DMRT1: variants seen among roughly 807,000 people sequenced by gnomAD.
DMRT1 encodes doublesex and mab-3 related transcription factor 1.
Under a neutral mutation model 32.3 loss-of-function variants are expected in DMRT1, and 7 were observed. The ratio of observed to expected loss-of-function variants is 0.22; its 90% confidence interval spans 0.12 to 0.41. The LOEUF is 0.41. DMRT1 is among the 10% of genes least tolerant of loss of function. DMRT1 has a pLI of 1.00. For missense variants in DMRT1, 625 were observed against 500.5 expected, an observed-to-expected ratio of 1.25 and a Z score of -2.37; for synonymous variants, 278 against 206.1, an observed-to-expected ratio of 1.35 and a Z score of -2.99.
intron 2 of DMRT1, among the ~76,000 whole-genome samples, chr9:877,996 G>A (rs1816573673): frequency 6.6e-6 from 1 of 152,326 alleles, no homozygotes; most frequent in South Asian, 2.1e-4. Context: ...GTTAGGTGGA[G>A]CAGGTTGCTA....
chr9:843,500 A>C (rs1417466799), intron 1 of DMRT1, among the ~76,000 whole-genome samples: 1 of 152,214 alleles, frequency 6.6e-6, no homozygotes, highest in East Asian at 1.9e-4. Context: ...GCGCAGGTGG[A>C]AAAAAGCGCG....
intron 2 of DMRT1, among the ~76,000 whole-genome samples, chr9:857,415 G>A (rs1815444684): frequency 6.6e-6 from 1 of 152,166 alleles, no homozygotes; most frequent in Non-Finnish European, 1.5e-5. Flanking sequence ...GAAAGGAACA[G>A]TATTTGTGGA....
intron 2 of DMRT1, among the ~76,000 whole-genome samples, chr9:861,900 G>T (rs540000099): frequency 1.3e-5 from 2 of 150,224 alleles, no homozygotes; most frequent in South Asian, 4.3e-4. Context: ...TCACATCCCA[G>T]ATGGGGCGGC....
At position 953,668 on chromosome 9, in the gene DMRT1, G is replaced by A. The variant is rs141708661; in HGVS notation, c.968-14317G>A. Among the ~76,000 whole-genome samples the A allele has an allele frequency of 5.3e-3, 801 of 152,192 alleles. 5 individuals carry two copies. The highest frequency in any genetic ancestry group is 0.019 in the African/African-American group (768 of 41,500). On this transcript the variant is annotated intron_variant, in intron 4 of 4. Coordinates refer to ENST00000382276, the MANE Select transcript of DMRT1 (RefSeq NM_021951.3). ...TAGTTTTCCTCGCCCCTTCCTTGACGTGGGGCCAGCAATCATCTCTTCTCT... is the reference window on the plus strand; with the variant it reads ...TAGTTTTCCTCGCCCCTTCCTTGACATGGGGCCAGCAATCATCTCTTCTCT...
At chr9:906,769 A>G (rs1300581605) in intron 3 of DMRT1, among the ~76,000 whole-genome samples, 2 of 152,232 alleles carry the variant, frequency 1.3e-5, no homozygotes, top group Non-Finnish European at 2.9e-5. Flanking sequence ...AAAGGCAGCA[A>G]AGTAGGTCTT....
intron 2 of DMRT1, among the ~76,000 whole-genome samples, chr9:849,647 G>T (rs1286550964): frequency 6.6e-6 from 1 of 152,186 alleles, no homozygotes; most frequent in Non-Finnish European, 1.5e-5. Context: ...TTTAACCAGA[G>T]TCCCTTCCTC....
At chr9:931,885 G>A (rs548521901) in intron 4 of DMRT1, among the ~76,000 whole-genome samples, 1 of 152,318 alleles carries the variant, frequency 6.6e-6, no homozygotes, top group African/African-American at 2.4e-5. Context: ...GTCTCTAAAT[G>A]TCTCTTCTTG....
chr9:845,278 C>T (rs1036615880), intron 1 of DMRT1, among the ~76,000 whole-genome samples: 21 of 151,970 alleles, frequency 1.4e-4, no homozygotes, highest in African/African-American at 3.1e-4. Flanking sequence ...GGCTCGATTT[C>T]GGCTCACTGC....
chr9:890,813 C>G (rs921783732), intron 2 of DMRT1, among the ~76,000 whole-genome samples: 1 of 152,184 alleles, frequency 6.6e-6, no homozygotes, highest in African/African-American at 2.4e-5. Context: ...CTCCCAGGTT[C>G]AAGCAATTCT....
At chr9:885,401 C>T (rs1343882039) in intron 2 of DMRT1, among the ~76,000 whole-genome samples, 2 of 152,166 alleles carry the variant, frequency 1.3e-5, no homozygotes, top group African/African-American at 2.4e-5. Flanking sequence ...AAGTAGCTCT[C>T]AGCAGATAGG....
At chr9:960,708 C>G (rs1819744476) in intron 4 of DMRT1, among the ~76,000 whole-genome samples, 1 of 152,228 alleles carries the variant, frequency 6.6e-6, no homozygotes, top group African/African-American at 2.4e-5. Flanking sequence ...GACAGGTACT[C>G]CTAAGTGAGA....
In DMRT1 at chr9:968,899, T is replaced by G. The variant is rs552504444; in HGVS notation, c.*760T>G. 2 of 152,758 alleles carry G rather than the reference T, an allele frequency of 1.3e-5. No individual in the cohort carries two copies. The highest frequency in any genetic ancestry group is 3.9e-4 in the East Asian group (2 of 5,192). 9.5% of individuals were successfully genotyped at this position (152,758 alleles called of 1,614,324 possible). A position where few individuals can be genotyped will look rare whatever the true frequency, so the allele number is the denominator to read the frequency against. ...CAGTCTGGACTGTTGTAACCTTAGGTTGTAATCTGATTTGGAAATAAGTAC... is the reference window on the plus strand; with the variant it reads ...CAGTCTGGACTGTTGTAACCTTAGGGTGTAATCTGATTTGGAAATAAGTAC... On this transcript the variant is annotated 3_prime_UTR_variant, in exon 5 of 5. Transcript: ENST00000382276.
chr9:934,586 A>T (rs1371337102), intron 4 of DMRT1, among the ~76,000 whole-genome samples: 1 of 152,184 alleles, frequency 6.6e-6, no homozygotes, highest in African/African-American at 2.4e-5. Flanking sequence ...AATCTGTGTC[A>T]TATTGTCTTC....
chr9:853,713 C>G (rs1815264579), intron 2 of DMRT1, among the ~76,000 whole-genome samples: 1 of 152,042 alleles, frequency 6.6e-6, no homozygotes, highest in Non-Finnish European at 1.5e-5. Context: ...CCATGTTGGC[C>G]AGGTTGGTCT....
chr9:905,316 C>T (rs982529383), intron 3 of DMRT1, among the ~76,000 whole-genome samples: 4 of 152,136 alleles, frequency 2.6e-5, no homozygotes, highest in Non-Finnish European at 5.9e-5. Flanking sequence ...GGTATTATCC[C>T]CACATTTTAT....
chr9:897,945 A>C (rs1490410004), intron 3 of DMRT1, among the ~76,000 whole-genome samples: 2 of 152,222 alleles, frequency 1.3e-5, no homozygotes, highest in African/African-American at 4.8e-5. Flanking sequence ...TAGAAAACAT[A>C]AAGTATAGGT....
chr9:851,641 A>G (rs577000738), intron 2 of DMRT1, among the ~76,000 whole-genome samples: 1 of 152,250 alleles, frequency 6.6e-6, no homozygotes, highest in East Asian at 1.9e-4. Flanking sequence ...TGCCAAGAAT[A>G]TTGGCCAAAT....
chr9:954,784 G>A (rs1415873597), intron 4 of DMRT1, among the ~76,000 whole-genome samples: 1 of 152,026 alleles, frequency 6.6e-6, no homozygotes, highest in African/African-American at 2.4e-5. Context: ...TGGGATTACA[G>A]GTGCGTGCCA....
At chr9:901,937 G>C (rs1270357812) in intron 3 of DMRT1, among the ~76,000 whole-genome samples, 1 of 130,572 alleles carries the variant, frequency 7.7e-6, no homozygotes, top group East Asian at 2.2e-4. Flanking sequence ...TTTTGAGACA[G>C]AGTCTCGCTC....
Sources: gnomAD v4.1 joint callset for allele counts (sites outside exome capture counted in the v4.1 genomes callset) on GRCh38, gnomAD v4.1.1 for gene constraint, MANE v1.5 for transcripts, NCBI Gene and HGNC (gene_info 2026-07-23, HGNC 2026-07-21) for gene names.